IPO11: variants seen among roughly 807,000 people sequenced by gnomAD.
The protein encoded by IPO11 is importin-11.
Under a neutral mutation model 143.2 loss-of-function variants are expected in IPO11, and 66 were observed. The observed-to-expected ratio is 0.46, with a 90% confidence interval of 0.38 to 0.57. The LOEUF (loss-of-function observed/expected upper bound fraction) is 0.57. Among genes scored for constraint, IPO11 ranks in the 20% least tolerant of loss-of-function variants. The pLI is 0.00. For missense variants in IPO11, 1,026 were observed against 1,141.0 expected (o/e 0.90, Z 1.45); for synonymous variants, 385 against 377.8 (o/e 1.02, Z -0.22).
intron 24 of IPO11, among the ~76,000 whole-genome samples, chr5:62,547,302 A>G (rs1289478219): frequency 1.3e-5 from 2 of 152,168 alleles, no homozygotes; most frequent in African/African-American, 2.4e-5. Flanking sequence ...TTTCACTATA[A>G]GAGAAATAAT....
intron 3 of IPO11, among the ~76,000 whole-genome samples, chr5:62,447,778 G>A (rs1744772404): frequency 1.8e-5 from 2 of 108,172 alleles, no homozygotes; most frequent in South Asian, 6.2e-4. Context: ...GTAGAGACAG[G>A]GTTTCGCCAT....
chr5:62,438,155 G>A (rs1744307420), intron 2 of IPO11, among the ~76,000 whole-genome samples: 1 of 152,092 alleles, frequency 6.6e-6, no homozygotes, highest in Non-Finnish European at 1.5e-5. Flanking sequence ...GAGCAAAATT[G>A]TTTATTATAT....
At chr5:62,436,379 G>GT in intron 1 of IPO11, among the ~76,000 whole-genome samples, 1 of 152,310 alleles carries the variant, frequency 6.6e-6, no homozygotes, top group African/African-American at 2.4e-5. Context: ...TCACTAAGCT[G>GT]TATCAATACA....
intron 1 of IPO11, among the ~76,000 whole-genome samples, chr5:62,431,440 AGTGCAGTGGG>A (rs1451750022): frequency 2.6e-5 from 4 of 151,894 alleles, no homozygotes; most frequent in Non-Finnish European, 5.9e-5. Flanking sequence ...CCCAGGTTGG[AGTGCAGTGGG>A]GTGATCTCAG....
chr5:62,627,562 A>G lies in IPO11; in HGVS notation c.*244A>G, dbSNP rs1746630083. 1 of 343,924 alleles carries G rather than the reference A, an allele frequency of 2.9e-6. No homozygotes were observed. The highest frequency in any genetic ancestry group is 2.1e-5 in the African/African-American group (1 of 47,906). 21.3% of individuals were successfully genotyped at this position (343,924 alleles called of 1,614,324 possible). ...GGGCCCTTCACTAAAAAGTACATGT[A>G]AAAGTACATTTGATGACAATAGCTG... On this transcript the variant is annotated 3_prime_UTR_variant, in exon 30 of 30. Coordinates refer to ENST00000325324, the MANE Select transcript of IPO11 (RefSeq NM_016338.5).
At chr5:62,511,147 A>G (rs2112273499) in intron 19 of IPO11, among the ~76,000 whole-genome samples, 1 of 152,336 alleles carries the variant, frequency 6.6e-6, no homozygotes, top group African/African-American at 2.4e-5. Flanking sequence ...TTTTAAATGT[A>G]ACTGGGTACT....
Position 62,551,353 on chromosome 5 carries a change from T to G in IPO11, c.2460+17T>G, listed in dbSNP as rs745368625. ...AATCAGGAGGTAAGAATCAATATAC[T>G]TAAATTTAAGGAAGTCTTTATCTAA... On this transcript the variant is annotated intron_variant, in intron 26 of 29. Transcript: ENST00000325324. 7.9e-7 allele frequency: 1 copy of G among 1,262,374 alleles called. No individual in the cohort carries two copies. The highest frequency in any genetic ancestry group is 1.2e-6 in the Non-Finnish European group (1 of 867,352). 78.2% of individuals were successfully genotyped at this position (1,262,374 alleles called of 1,614,324 possible). A position where few individuals can be genotyped will look rare whatever the true frequency, so the allele number is the denominator to read the frequency against.
At chr5:62,546,109 A>G (rs1420177120) in intron 24 of IPO11, among the ~76,000 whole-genome samples, 3 of 152,226 alleles carry the variant, frequency 2.0e-5, no homozygotes, top group African/African-American at 7.2e-5. Flanking sequence ...GATATACCCA[A>G]AGGATTATAT....
At chr5:62,501,476 A>G (rs569605628) in intron 16 of IPO11, among the ~76,000 whole-genome samples, 85 of 152,206 alleles carry the variant, frequency 5.6e-4, no homozygotes, top group Middle Eastern at 3.4e-3. Context: ...TATAATTGAT[A>G]TGTCTATTAA....
intron 1 of IPO11, among the ~76,000 whole-genome samples, chr5:62,429,542 C>T (rs950872957): frequency 7.9e-5 from 12 of 151,216 alleles, no homozygotes; most frequent in African/African-American, 2.2e-4. Context: ...CTTAGCCTCC[C>T]GAGTAACGAA....
At chr5:62,413,814 A>G (rs1271585860) in intron 1 of IPO11, among the ~76,000 whole-genome samples, 2 of 152,288 alleles carry the variant, frequency 1.3e-5, no homozygotes, top group African/African-American at 4.8e-5. Flanking sequence ...TGTTATTTCA[A>G]ACTTCTCTGT....
At chr5:62,424,561 G>A (rs922360594) in intron 1 of IPO11, among the ~76,000 whole-genome samples, 1 of 151,398 alleles carries the variant, frequency 6.6e-6, no homozygotes, top group African/African-American at 2.4e-5. Context: ...GACCATAGGT[G>A]CATGCCACCA....
Position 62,627,275 on chromosome 5 carries a change from C to G in IPO11, c.2885C>G (p.Thr962Arg). 1 of 1,613,960 alleles carries G rather than the reference C, an allele frequency of 6.2e-7. No homozygotes were observed. The highest frequency in any genetic ancestry group is 1.1e-5 in the South Asian group (1 of 91,056). Residue 962 changes from threonine (T) to arginine (R), a missense_variant, in exon 30 of 30, where the codon ACG becomes AGG. Thr to Arg is a moderately conservative substitution (Grantham distance 71, BLOSUM62 -1). Transcript: ENST00000325324. ...CAGTCCCTCATGGAAACAGTGGATA[C>G]GGAGATTGTCACCCAGCTACAGGAG... is the stretch of plus-strand genomic sequence containing the variant. ...GFQSLMETVDTEIVTQLQEFL... is the reference protein window; with the variant it reads ...GFQSLMETVDREIVTQLQEFL...
At chr5:62,515,639 G>A (rs1269141545) in intron 20 of IPO11, 138 bp downstream of exon 20, 4 of 575,250 alleles carry the variant, frequency 7.0e-6, no homozygotes, top group African/African-American at 1.9e-5. Context: ...TTTTCCATGT[G>A]TGATCTAAAC....
intron 9 of IPO11, among the ~76,000 whole-genome samples, chr5:62,478,524 A>G (rs1340690824): frequency 6.6e-6 from 1 of 152,128 alleles, no homozygotes; most frequent in East Asian, 1.9e-4. Flanking sequence ...AAATACTGAT[A>G]GCTTCTTAAT....
chr5:62,628,318 A>G lies in IPO11; in HGVS notation c.*1000A>G, dbSNP rs1319632217. On this transcript the variant is annotated 3_prime_UTR_variant, in exon 30 of 30. Coordinates refer to ENST00000325324, the MANE Select transcript of IPO11 (RefSeq NM_016338.5). ...TTATTCCTCGAACATGCAGTACATAAAAAGGGGAAAAGGAGAAAAAAAAAG... is the reference window on the plus strand; with the variant it reads ...TTATTCCTCGAACATGCAGTACATAGAAAGGGGAAAAGGAGAAAAAAAAAG... The G allele has an allele frequency of 6.6e-6, 1 of 152,534 alleles. No homozygotes were observed. Among genetic ancestry groups the G allele is most frequent in the Non-Finnish European group, 1.5e-5 (1 of 68,034 alleles). The allele number at this position is 152,534 out of a possible 1,614,324, so 9.4% of individuals were successfully genotyped here.
At chr5:62,435,284 A>G (rs1006435102) in intron 1 of IPO11, among the ~76,000 whole-genome samples, 7 of 148,864 alleles carry the variant, frequency 4.7e-5, no homozygotes, top group Admixed American at 2.7e-4. Context: ...ACTTCTTTTT[A>G]CTACTTAACG....
chr5:62,502,205 A>G (rs983636741), intron 16 of IPO11, among the ~76,000 whole-genome samples: 1 of 152,098 alleles, frequency 6.6e-6, no homozygotes, highest in Non-Finnish European at 1.5e-5. Flanking sequence ...TTACTCTCCC[A>G]ATTTGGAATT....
rs748537575 is a variant in IPO11, at chr5:62,530,814, G to GT, written c.2089+34dup. On this transcript the variant is annotated intron_variant, in intron 22 of 29. Coordinates refer to ENST00000325324, the MANE Select transcript of IPO11 (RefSeq NM_016338.5). ...TGTGTTAAAGCATAAACTTACTAAT[G>GT]TTTTTGAATGCAACCATAATTGGGA... 4.6e-6 allele frequency: 7 copies of GT among 1,515,710 alleles called. No homozygotes were observed. In the Admixed American group the frequency reaches 1.2e-4, roughly 26 times the overall value. The allele number at this position is 1,515,710 out of a possible 1,614,324, so 93.9% of individuals were successfully genotyped here.
Sources: gnomAD v4.1 joint callset for allele counts (sites outside exome capture counted in the v4.1 genomes callset) on GRCh38, gnomAD v4.1.1 for gene constraint, MANE v1.5 for transcripts, NCBI Gene and HGNC (gene_info 2026-07-23, HGNC 2026-07-21) for gene names.